Variants in SPAG16 observed in about 807,000 individuals in gnomAD.
SPAG16 encodes sperm-associated antigen 16 protein.
In SPAG16, 86 loss-of-function variants were observed where a neutral mutation model predicts 80.4. The ratio of observed to expected loss-of-function variants is 1.07; its 90% CI spans 0.90 to 1.28. SPAG16 has a LOEUF of 1.28. SPAG16 is among the 50% of genes most tolerant of loss of function. The probability of loss-of-function intolerance (pLI) is 0.00; values close to 1 mark genes in which losing one functional copy is unlikely to be tolerated. For missense variants in SPAG16, 870 were observed against 765.3 expected, an observed-to-expected ratio of 1.14 and a Z score of -1.61; for synonymous variants, 294 against 265.9, an observed-to-expected ratio of 1.11 and a Z score of -1.03.
chr2:213,921,860 A>G (rs886106544), intron 11 of SPAG16, among the ~76,000 whole-genome samples: 4 of 152,206 alleles, frequency 2.6e-5, no homozygotes, highest in African/African-American at 7.2e-5. Flanking sequence ...TAAGCACTCA[A>G]TGTCTTCTGG....
chr2:213,604,617 T>G (rs2061188711), intron 10 of SPAG16, among the ~76,000 whole-genome samples: 1 of 152,156 alleles, frequency 6.6e-6, no homozygotes, highest in South Asian at 2.1e-4. Flanking sequence ...TATAAATCTA[T>G]GCTATTTCTT....
At chr2:213,690,160 T>A (rs2064876897) in intron 10 of SPAG16, among the ~76,000 whole-genome samples, 1 of 152,200 alleles carries the variant, frequency 6.6e-6, no homozygotes, top group South Asian at 2.1e-4. Flanking sequence ...ATGCCCTTTC[T>A]TCAGATATTT....
At chr2:213,582,343 T>G (rs956784336) in intron 10 of SPAG16, among the ~76,000 whole-genome samples, 9 of 152,058 alleles carry the variant, frequency 5.9e-5, no homozygotes, top group African/African-American at 2.2e-4. Flanking sequence ...CCAGGTGTGG[T>G]AAGGAATAAA....
intron 10 of SPAG16, among the ~76,000 whole-genome samples, chr2:213,596,192 ATGAAT>A (rs1300818554): frequency 6.6e-6 from 1 of 152,142 alleles, no homozygotes; most frequent in Non-Finnish European, 1.5e-5. Context: ...GGAATAATAA[ATGAAT>A]TGATTGAAAG....
At chr2:213,469,929 G>A (rs1217909139) in intron 9 of SPAG16, among the ~76,000 whole-genome samples, 3 of 152,090 alleles carry the variant, frequency 2.0e-5, no homozygotes, top group African/African-American at 7.2e-5. Flanking sequence ...GTCTCCTGGT[G>A]GAAGCATTCC....
intron 9 of SPAG16, among the ~76,000 whole-genome samples, chr2:213,482,761 A>G (rs1435415826): frequency 6.6e-6 from 1 of 152,152 alleles, no homozygotes; most frequent in Non-Finnish European, 1.5e-5. Context: ...GTGTAGAATT[A>G]TGTATCTAGG....
intron 10 of SPAG16, among the ~76,000 whole-genome samples, chr2:213,767,601 C>A (rs1448205379): frequency 6.6e-6 from 1 of 151,272 alleles, no homozygotes; most frequent in Non-Finnish European, 1.5e-5. Context: ...ATGCTGCAGC[C>A]TGGGCAATGG....
intron 15 of SPAG16, among the ~76,000 whole-genome samples, chr2:214,205,162 T>G (rs2058106626): frequency 6.6e-6 from 1 of 151,788 alleles, no homozygotes; most frequent in Non-Finnish European, 1.5e-5. Flanking sequence ...AGGTGGAGGT[T>G]GCAGTGAGCC....
chr2:213,882,118 G>A (rs564021952), intron 11 of SPAG16, among the ~76,000 whole-genome samples: 7 of 152,202 alleles, frequency 4.6e-5, no homozygotes, highest in South Asian at 4.1e-4. Context: ...TTCTGTTTAT[G>A]TGTTAAATTA....
chr2:213,384,178 C>T (rs1434873020), intron 9 of SPAG16, among the ~76,000 whole-genome samples: 1 of 152,156 alleles, frequency 6.6e-6, no homozygotes, highest in South Asian at 2.1e-4. Context: ...TTGTTTAAAT[C>T]TGTGCCATTT....
chr2:213,804,611 A>C (rs1348113360), intron 10 of SPAG16, among the ~76,000 whole-genome samples: 1 of 152,178 alleles, frequency 6.6e-6, no homozygotes, highest in Non-Finnish European at 1.5e-5. Context: ...TGAACCCTGG[A>C]GGCGGAGCTT....
At chr2:214,087,119 A>AAT (rs1350713997) in intron 13 of SPAG16, among the ~76,000 whole-genome samples, 2 of 152,150 alleles carry the variant, frequency 1.3e-5, no homozygotes, top group Non-Finnish European at 2.9e-5. Flanking sequence ...GCACTGTACT[A>AAT]ATATATATCC....
intron 10 of SPAG16, among the ~76,000 whole-genome samples, chr2:213,847,317 T>A (rs772099890): frequency 1.3e-5 from 2 of 151,868 alleles, no homozygotes; most frequent in Non-Finnish European, 2.9e-5. Context: ...AGAAAAGAGG[T>A]TTAATTGGTT....
At chr2:213,293,726 C>T (rs1335242169) in intron 1 of SPAG16, among the ~76,000 whole-genome samples, 2 of 152,212 alleles carry the variant, frequency 1.3e-5, no homozygotes, top group Non-Finnish European at 2.9e-5. Flanking sequence ...TAAACCACTA[C>T]TGAGCCCTTG....
chr2:214,302,006 T>A (rs565315866), intron 15 of SPAG16, among the ~76,000 whole-genome samples: 9 of 152,246 alleles, frequency 5.9e-5, no homozygotes, highest in South Asian at 4.1e-4. Context: ...ATTTTTTTTT[T>A]ATTTCTGCCT....
chr2:213,313,139 A>G (rs1190209837), intron 4 of SPAG16, among the ~76,000 whole-genome samples: 1 of 151,880 alleles, frequency 6.6e-6, no homozygotes, highest in African/African-American at 2.4e-5. Flanking sequence ...TGACTCTTCT[A>G]CATAACATAA....
At chr2:213,952,462 A>G (rs2079840159) in intron 12 of SPAG16, among the ~76,000 whole-genome samples, 1 of 152,118 alleles carries the variant, frequency 6.6e-6, no homozygotes, top group Non-Finnish European at 1.5e-5. Context: ...TCAACATTGA[A>G]AAATAAGATG....
intron 13 of SPAG16, among the ~76,000 whole-genome samples, chr2:214,017,697 C>G (rs193190328): frequency 7.0e-4 from 107 of 152,232 alleles, no homozygotes; most frequent in African/African-American, 2.4e-3. Flanking sequence ...AAGAGGGATT[C>G]AGCACAGCAC....
intron 12 of SPAG16, among the ~76,000 whole-genome samples, chr2:213,996,675 TC>T (rs1426700878): frequency 2.0e-5 from 3 of 151,628 alleles, no homozygotes; most frequent in Admixed American, 2.0e-4. Context: ...TTCAAGCGAT[TC>T]TCCTGCCTCA....
Sources: gnomAD v4.1 joint callset for allele counts (sites outside exome capture counted in the v4.1 genomes callset) on GRCh38, gnomAD v4.1.1 for gene constraint, MANE v1.5 for transcripts, NCBI Gene and HGNC (gene_info 2026-07-23, HGNC 2026-07-21) for gene names.